The following DLGAP1 variants were observed in gnomAD, a reference collection of about 807,000 sequenced individuals.
The protein encoded by DLGAP1 is disks large-associated protein 1.
Under a neutral mutation model 90.8 loss-of-function variants are expected in DLGAP1, and 11 were observed. That is an observed-to-expected ratio of 0.12 (90% CI 0.08 to 0.20). The LOEUF (loss-of-function observed/expected upper bound fraction) is 0.20, where lower values mean the gene tolerates loss of function less well. DLGAP1 is among the 10% of genes least tolerant of loss of function. DLGAP1 has a pLI of 1.00. For missense variants in DLGAP1, 1,050 were observed against 1,333.8 expected (o/e 0.79, Z 3.31); for synonymous variants, 558 against 540.7 (o/e 1.03, Z -0.44).
chr18:3,694,646 A>G (rs1285221395), intron 7 of DLGAP1, among the ~76,000 whole-genome samples: 2 of 152,104 alleles, frequency 1.3e-5, no homozygotes, highest in African/African-American at 2.4e-5. Context: ...GATGATGAAC[A>G]TTTTTTCATA....
At chr18:4,312,306 T>C (rs556115607) in intron 1 of DLGAP1, among the ~76,000 whole-genome samples, 1 of 152,348 alleles carries the variant, frequency 6.6e-6, no homozygotes, top group African/African-American at 2.4e-5. Context: ...CTACGATTTA[T>C]ACACAGGTTT....
chr18:3,912,620 G>T (rs1485728963), intron 3 of DLGAP1, among the ~76,000 whole-genome samples: 1 of 152,092 alleles, frequency 6.6e-6, no homozygotes, highest in Non-Finnish European at 1.5e-5. Context: ...TAAATATCTG[G>T]CAGGTCACAA....
At chr18:3,954,624 T>C (rs989497847) in intron 3 of DLGAP1, among the ~76,000 whole-genome samples, 2 of 152,192 alleles carry the variant, frequency 1.3e-5, no homozygotes, top group Admixed American at 6.5e-5. Flanking sequence ...CAGAATTATC[T>C]ATAAGAAACA....
At chr18:3,845,601 T>C in intron 4 of DLGAP1, 1 of 985,458 alleles carries the variant, frequency 1.0e-6, no homozygotes, top group Non-Finnish European at 1.2e-6. Flanking sequence ...AAAATCATAT[T>C]GCTATCTTTC....
At chr18:4,210,682 G>C (rs1266789239) in intron 1 of DLGAP1, among the ~76,000 whole-genome samples, 1 of 152,154 alleles carries the variant, frequency 6.6e-6, no homozygotes, top group East Asian at 1.9e-4. Context: ...TGAACATAAA[G>C]TTTATCTGCA....
chr18:3,580,235 C>A, intron 8 of DLGAP1: 2 of 1,600,394 alleles, frequency 1.2e-6, no homozygotes, highest in Non-Finnish European at 1.7e-6. Flanking sequence ...TCAGGTGAAC[C>A]ATCTGAAAAG....
At chr18:4,302,503 A>G (rs1037116905) in intron 1 of DLGAP1, among the ~76,000 whole-genome samples, 5 of 144,268 alleles carry the variant, frequency 3.5e-5, no homozygotes, top group Admixed American at 1.4e-4. Flanking sequence ...CAATGTGTGT[A>G]TTTTTAAATT....
intron 2 of DLGAP1, among the ~76,000 whole-genome samples, chr18:4,028,413 G>A (rs1487716432): frequency 6.6e-6 from 1 of 152,174 alleles, no homozygotes; most frequent in Non-Finnish European, 1.5e-5. Flanking sequence ...TCAGGTGGCA[G>A]CAAATACGTT....
At chr18:4,303,341 C>T (rs1394877275) in intron 1 of DLGAP1, among the ~76,000 whole-genome samples, 2 of 151,782 alleles carry the variant, frequency 1.3e-5, no homozygotes, top group African/African-American at 4.8e-5. Flanking sequence ...GTAGGCAGAA[C>T]ATCACAGCTG....
intron 2 of DLGAP1, among the ~76,000 whole-genome samples, chr18:4,071,345 A>C (rs1299349688): frequency 6.6e-6 from 1 of 152,184 alleles, no homozygotes; most frequent in African/African-American, 2.4e-5. Context: ...GGGAAAATTA[A>C]ATATTAATAT....
chr18:4,429,987 AAAGC>A (rs2083248229), intron 1 of DLGAP1, among the ~76,000 whole-genome samples: 1 of 152,254 alleles, frequency 6.6e-6, no homozygotes, highest in African/African-American at 2.4e-5. Flanking sequence ...ATAAAATTTG[AAAGC>A]AAGCAAAATC....
At chr18:4,165,343 A>G (rs1298448117) in intron 1 of DLGAP1, among the ~76,000 whole-genome samples, 1 of 152,220 alleles carries the variant, frequency 6.6e-6, no homozygotes, top group African/African-American at 2.4e-5. Flanking sequence ...TGATAAAACA[A>G]AAATGTTGTC....
intron 7 of DLGAP1, among the ~76,000 whole-genome samples, chr18:3,693,737 A>T (rs1013496253): frequency 3.3e-5 from 5 of 152,196 alleles, no homozygotes; most frequent in Non-Finnish European, 7.3e-5. Flanking sequence ...TCTCTGCTGA[A>T]AATCTGTTTA....
chr18:3,852,232 C>T (rs1031447763), intron 4 of DLGAP1, among the ~76,000 whole-genome samples: 1 of 152,082 alleles, frequency 6.6e-6, no homozygotes, highest in South Asian at 2.1e-4. Flanking sequence ...GAATGATCAA[C>T]CCAAAGACAC....
At chr18:4,068,221 G>A (rs551057245) in intron 2 of DLGAP1, among the ~76,000 whole-genome samples, 32 of 151,900 alleles carry the variant, frequency 2.1e-4, no homozygotes, top group African/African-American at 7.7e-4. Flanking sequence ...TTGATGAGGG[G>A]AGGATTAGTT....
intron 1 of DLGAP1, among the ~76,000 whole-genome samples, chr18:4,285,149 C>G (rs1357617954): frequency 6.6e-6 from 1 of 152,100 alleles, no homozygotes; most frequent in African/African-American, 2.4e-5. Context: ...ATCAGGGACC[C>G]AGGCCTATAG....
chr18:3,769,849 G>GA (rs2064435988), intron 5 of DLGAP1, among the ~76,000 whole-genome samples: 1 of 109,268 alleles, frequency 9.2e-6, no homozygotes, highest in Non-Finnish European at 2.3e-5. Context: ...CACGGTGGGT[G>GA]GGGGGGGAAA....
rs77327635 is a variant in DLGAP1, at chr18:4,180,874, A to C, written c.-266-29587T>G. ...AAATGTTCAGAGCTCTGCTTGTGGA[A>C]GATGACAACTACAAGGGTGTCCAGT... On this transcript the variant is annotated intron_variant, in intron 1 of 12. Transcript: ENST00000315677. Among the ~76,000 whole-genome samples the C allele has an allele frequency of 3.4e-3, 525 of 152,310 alleles. 1 individual carries two copies. Among genetic ancestry groups the C allele is most frequent in the Middle Eastern group, 0.014 (4 of 294 alleles).
At chr18:4,049,950 C>CCATA (rs781274725) in intron 2 of DLGAP1, among the ~76,000 whole-genome samples, 1 of 147,762 alleles carries the variant, frequency 6.8e-6, no homozygotes, top group South Asian at 2.1e-4. Context: ...ATCCATCCAT[C>CCATA]CATCCATACT....
Sources: allele counts gnomAD v4.1 joint callset (sites outside exome capture counted in the v4.1 genomes callset), GRCh38; gene constraint gnomAD v4.1.1; transcripts MANE v1.5; gene names NCBI Gene and HGNC (gene_info 2026-07-23, HGNC 2026-07-21).